Variants in DIO2 observed in about 807,000 individuals in gnomAD.
DIO2 encodes the protein iodothyronine deiodinase 2, also known as type II iodothyronine deiodinase.
DIO2 carries 19 observed loss-of-function variants against 21.4 expected under a neutral mutation model. The ratio of observed to expected loss-of-function variants is 0.89; its 90% confidence interval spans 0.62 to 1.30. The LOEUF (loss-of-function observed/expected upper bound fraction) is 1.30. Among genes scored for constraint, DIO2 ranks in the 50% most tolerant of loss-of-function variants. The pLI is 0.00. For synonymous variants in DIO2, 122 were observed against 132.9 expected, an observed-to-expected ratio of 0.92 and a Z score of 0.57; for missense variants, 302 against 338.1, an observed-to-expected ratio of 0.89 and a Z score of 0.84.
Position 80,201,661 on chromosome 14 carries a change from T to C in DIO2, c.*1028A>G, listed in dbSNP as rs1195707145. 6.6e-6 allele frequency: 1 copy of C among 152,074 alleles called. No individual in the cohort carries two copies. The highest frequency in any genetic ancestry group is 1.5e-5 in the Non-Finnish European group (1 of 68,020). 9.4% of individuals were successfully genotyped at this position (152,074 alleles called of 1,614,324 possible). ...GACCCACTGGTTTTCCTTTAATAGG[T>C]ATCATGGGGTATAATTAACCCACTG... On this transcript the variant is annotated 3_prime_UTR_variant, in exon 2 of 2. Transcript: ENST00000438257.
In DIO2 at chr14:80,202,213, C is replaced by A. The variant is rs2139995081; in HGVS notation, c.*476G>T. ...TCTAACCTTAACACCAACGTCTAAC[C>A]ACATGGCCTGGGTTCAAGGACTTGT... On this transcript the variant is annotated 3_prime_UTR_variant, in exon 2 of 2. Coordinates refer to ENST00000438257, the MANE Select transcript of DIO2 (RefSeq NM_013989.5). 9 of 475,950 alleles carry A rather than the reference C, an allele frequency of 1.9e-5. No homozygotes were observed. Among genetic ancestry groups the A allele is most frequent in the South Asian group, 1.4e-4 (9 of 62,490 alleles). 29.5% of individuals were successfully genotyped at this position (475,950 alleles called of 1,614,324 possible).
chr14:80,227,250 G>C (rs955976832), intron 2 of DIO2, among the ~76,000 whole-genome samples: 1 of 152,210 alleles, frequency 6.6e-6, no homozygotes, highest in African/African-American at 2.4e-5. Flanking sequence ...TGCCCATGAT[G>C]CCATTGGTGT....
intron 2 of DIO2, among the ~76,000 whole-genome samples, chr14:80,222,124 T>C (rs996669333): frequency 2.6e-5 from 4 of 152,250 alleles, no homozygotes; most frequent in African/African-American, 7.2e-5. Flanking sequence ...TCTACAAGGA[T>C]AGCACACTTG....
upstream of DIO2, among the ~76,000 whole-genome samples, chr14:80,214,754 A>C (rs1888311579): frequency 2.0e-5 from 3 of 152,150 alleles, no homozygotes. Context: ...ATTGATTTTC[A>C]AGTAATTTTA....
chr14:80,222,008 A>G (rs1016648486), intron 2 of DIO2, among the ~76,000 whole-genome samples: 8 of 152,160 alleles, frequency 5.3e-5, no homozygotes, highest in African/African-American at 1.7e-4. Context: ...ACCCTTCCCC[A>G]TATCACCGAT....
intron 2 of DIO2, among the ~76,000 whole-genome samples, chr14:80,218,439 C>A (rs1888399005): frequency 6.6e-6 from 1 of 152,102 alleles, no homozygotes; most frequent in African/African-American, 2.4e-5. Flanking sequence ...CTAAACTGAA[C>A]CTGATGCGGA....
chr14:80,224,678 TTA>T (rs1287733750), intron 2 of DIO2, among the ~76,000 whole-genome samples: 9 of 152,312 alleles, frequency 5.9e-5, no homozygotes, highest in African/African-American at 2.2e-4. Context: ...TGATAATCTG[TTA>T]TAGCAGCCAC....
In DIO2 at chr14:80,211,381, A is replaced by C; in HGVS notation, c.92T>G (p.Val31Gly). The change falls in exon 1 of 2, where the codon GTC becomes GGC. Residue 31 changes from valine (V) to glycine (G), a missense_variant. Val to Gly is a moderately radical substitution (Grantham distance 109, BLOSUM62 -3). Transcript: ENST00000438257. ...CAGCACCACGTGCTTGAGCAGAATG[A>C]CCGAGTCATAGAGAGCCAGGAAGAG... is the stretch of plus-strand genomic sequence containing the variant. ...NCLFLALYDSVILLKHVVLLL... is the reference protein window; with the variant it reads ...NCLFLALYDSGILLKHVVLLL... The C allele has an allele frequency of 6.2e-7, 1 of 1,613,678 alleles. No individual in the cohort carries two copies. Among genetic ancestry groups the C allele is most frequent in the South Asian group, 1.1e-5 (1 of 91,042 alleles).
At chr14:80,225,662 G>T (rs1052614642) in intron 2 of DIO2, among the ~76,000 whole-genome samples, 1 of 152,148 alleles carries the variant, frequency 6.6e-6, no homozygotes, top group Non-Finnish European at 1.5e-5. Context: ...ACCTCAGCAG[G>T]TCGTGGGTTT....
intron 1 of DIO2, among the ~76,000 whole-genome samples, chr14:80,204,471 GC>G (rs1175461066): frequency 6.6e-6 from 1 of 152,142 alleles, no homozygotes; most frequent in Non-Finnish European, 1.5e-5. Context: ...AAAGTTTGCA[GC>G]CTTTGAATCT....
upstream of DIO2, chr14:80,211,664 G>C (rs892892013): frequency 2.1e-6 from 1 of 487,228 alleles, no homozygotes; most frequent in Non-Finnish European, 3.7e-6. Context: ...GAAATGGCAA[G>C]ACTAAGTCCA....
chr14:80,226,531 C>T (rs1382816960), intron 2 of DIO2, among the ~76,000 whole-genome samples: 1 of 152,166 alleles, frequency 6.6e-6, no homozygotes. Flanking sequence ...GGAAGAGGTC[C>T]AATATAATAC....
At chr14:80,220,962 C>T (rs1888452949) in intron 2 of DIO2, among the ~76,000 whole-genome samples, 1 of 152,102 alleles carries the variant, frequency 6.6e-6, no homozygotes, top group Non-Finnish European at 1.5e-5. Flanking sequence ...TTCTTATTTC[C>T]ATATTCAGAG....
At position 80,202,386 on chromosome 14, in the gene DIO2, T is replaced by C. The variant is rs763735653; in HGVS notation, c.*303A>G. The C allele has an allele frequency of 1.3e-5, 8 of 617,526 alleles. No homozygotes were observed. Among genetic ancestry groups the C allele is most frequent in the South Asian group, 4.1e-5 (3 of 72,480 alleles). The allele number at this position is 617,526 out of a possible 1,614,324, so 38.3% of individuals were successfully genotyped here. A position where few individuals can be genotyped will look rare whatever the true frequency, so the allele number is the denominator to read the frequency against. ...TTCTGGTCTCAAAGCATGCATCAGA[T>C]GTATCAGTTCCTTCTCAATGCAGAA... On this transcript the variant is annotated 3_prime_UTR_variant, in exon 2 of 2. Transcript: ENST00000438257.
At chr14:80,205,490 G>A (rs143891686) in intron 1 of DIO2, 25 of 664,446 alleles carry the variant, frequency 3.8e-5, no homozygotes, top group African/African-American at 3.1e-4. Flanking sequence ...TGACAAATGC[G>A]CCTCTAACCC....
chr14:80,214,729 A>G (rs953396493), upstream of DIO2, among the ~76,000 whole-genome samples: 13 of 152,178 alleles, frequency 8.5e-5, no homozygotes, highest in Non-Finnish European at 1.6e-4. Flanking sequence ...TCCAGTTATT[A>G]AGAATATTTA....
chr14:80,219,774 A>C (rs920091517), intron 2 of DIO2, among the ~76,000 whole-genome samples: 6 of 152,206 alleles, frequency 3.9e-5, no homozygotes, highest in African/African-American at 1.4e-4. Context: ...AGAGTCAATA[A>C]AGAGTTAATG....
chr14:80,226,033 A>G (rs1175753160), intron 2 of DIO2, among the ~76,000 whole-genome samples: 1 of 152,068 alleles, frequency 6.6e-6, no homozygotes, highest in African/African-American at 2.4e-5. Context: ...GGAAGCAAAA[A>G]TTTCGCTAGT....
At chr14:80,204,065 C>T (rs751539151) in intron 1 of DIO2, among the ~76,000 whole-genome samples, 2 of 152,110 alleles carry the variant, frequency 1.3e-5, no homozygotes, top group Non-Finnish European at 2.9e-5. Flanking sequence ...CATTCTTGGG[C>T]AATTCTGTGT....
Sources: allele counts gnomAD v4.1 joint callset (sites outside exome capture counted in the v4.1 genomes callset), GRCh38; gene constraint gnomAD v4.1.1; transcripts MANE v1.5; gene names NCBI Gene and HGNC (gene_info 2026-07-23, HGNC 2026-07-21).